Variants in FBXL17 observed in about 807,000 individuals in gnomAD.
FBXL17 encodes the protein F-box and leucine rich repeat protein 17, also known as F-box/LRR-repeat protein 17.
FBXL17 carries 22 observed loss-of-function variants against 66.2 expected under a neutral mutation model. That is an observed-to-expected ratio of 0.33 (90% CI 0.24 to 0.47). The LOEUF is 0.47. FBXL17 is among the 20% of genes least tolerant of loss of function. The pLI is 1.00. For synonymous variants in FBXL17, 474 were observed against 400.5 expected (o/e 1.18, Z -2.19); for missense variants, 878 against 948.2 (o/e 0.93, Z 0.97).
intron 4 of FBXL17, among the ~76,000 whole-genome samples, chr5:108,335,778 A>G (rs1760351069): frequency 6.6e-6 from 1 of 152,196 alleles, no homozygotes; most frequent in South Asian, 2.1e-4. Flanking sequence ...AAACATGATA[A>G]CATAAAGTAT....
At chr5:108,120,962 C>T (rs187229407) in intron 6 of FBXL17, among the ~76,000 whole-genome samples, 1 of 152,254 alleles carries the variant, frequency 6.6e-6, no homozygotes, top group Non-Finnish European at 1.5e-5. Flanking sequence ...TTTAAAAGCT[C>T]AGAAGAATAC....
intron 7 of FBXL17, 38 bp from the exon 8 acceptor site, chr5:107,881,217 A>T (rs372538056): frequency 8.8e-6 from 11 of 1,243,358 alleles, no homozygotes; most frequent in Non-Finnish European, 1.2e-5. Context: ...TAATGTTAGC[A>T]GTGTAAGGGA....
intron 4 of FBXL17, among the ~76,000 whole-genome samples, chr5:108,262,208 C>T (rs909474912): frequency 6.6e-6 from 1 of 151,768 alleles, no homozygotes; most frequent in African/African-American, 2.4e-5. Context: ...TCCCAAATAG[C>T]TAGGACTACA....
chr5:107,933,077 TA>T (rs1474028042), intron 7 of FBXL17, among the ~76,000 whole-genome samples: 2 of 152,266 alleles, frequency 1.3e-5, no homozygotes, highest in East Asian at 3.9e-4. Flanking sequence ...CATGTCACTT[TA>T]AAAAAGTTCC....
chr5:108,177,461 T>C (rs1337952491), intron 6 of FBXL17, among the ~76,000 whole-genome samples: 3 of 152,172 alleles, frequency 2.0e-5, no homozygotes, highest in African/African-American at 7.2e-5. Context: ...TGATCAACCA[T>C]GTCTGATGTC....
At chr5:108,237,986 C>G (rs1340326085) in intron 4 of FBXL17, among the ~76,000 whole-genome samples, 1 of 152,216 alleles carries the variant, frequency 6.6e-6, no homozygotes, top group African/African-American at 2.4e-5. Flanking sequence ...TTACTCAACT[C>G]TTCAAAATCC....
intron 7 of FBXL17, among the ~76,000 whole-genome samples, chr5:107,969,314 C>T (rs1041890991): frequency 1.3e-5 from 2 of 152,054 alleles, no homozygotes; most frequent in African/African-American, 2.4e-5. Flanking sequence ...ATGATTAGTA[C>T]ACTTTAGTAT....
At chr5:107,899,867 G>A (rs564908990) in intron 7 of FBXL17, among the ~76,000 whole-genome samples, 88 of 152,128 alleles carry the variant, frequency 5.8e-4, no homozygotes, top group African/African-American at 2.1e-3. Flanking sequence ...CACTATTCAG[G>A]TGATGGGTAC....
chr5:108,075,040 C>T (rs552811834), intron 6 of FBXL17, among the ~76,000 whole-genome samples: 16 of 152,272 alleles, frequency 1.1e-4, no homozygotes, highest in African/African-American at 3.6e-4. Context: ...CCCAGGATTC[C>T]GTGTAAAAGT....
intron 6 of FBXL17, among the ~76,000 whole-genome samples, chr5:108,177,932 T>TATATATATATATATATATATAC (rs1242739302): frequency 7.9e-6 from 1 of 126,830 alleles, no homozygotes; most frequent in African/African-American, 2.7e-5. Context: ...TATATATATA[T>TATATATATATATATATATATAC]ACACACACAC....
At chr5:108,201,148 A>T (rs780362079) in intron 5 of FBXL17, among the ~76,000 whole-genome samples, 6 of 152,180 alleles carry the variant, frequency 3.9e-5, no homozygotes, top group Non-Finnish European at 8.8e-5. Flanking sequence ...TAAAGACACA[A>T]CATAATTTAT....
chr5:108,114,976 A>T (rs902599402), intron 6 of FBXL17, among the ~76,000 whole-genome samples: 5 of 152,218 alleles, frequency 3.3e-5, no homozygotes, highest in African/African-American at 1.2e-4. Context: ...CAAAAAATGT[A>T]GTGATTTCAA....
rs544220580 is a variant in FBXL17, at chr5:108,327,670, T to G, written c.1506+20729A>C. On this transcript the variant is annotated intron_variant, in intron 4 of 8. Coordinates refer to ENST00000542267, the MANE Select transcript of FBXL17 (RefSeq NM_001163315.3). ...GATTAAATATGACTCTTCCAGAAAT[T>G]CCCAAGATGAAAGGCTAACTGAACC... Among the ~76,000 whole-genome samples, 166 of 152,222 alleles carry G rather than the reference T, an allele frequency of 1.1e-3. 3 individuals are homozygous for G. The highest frequency in any genetic ancestry group is 3.8e-3 in the African/African-American group (157 of 41,554).
chr5:107,991,398 T>C (rs10080074), intron 7 of FBXL17, among the ~76,000 whole-genome samples: 2,605 of 152,200 alleles, frequency 0.017, 74 homozygotes, highest in African/African-American at 0.06. Flanking sequence ...GGGGGTGGGG[T>C]TGAGGTGGGA....
intron 6 of FBXL17, among the ~76,000 whole-genome samples, chr5:108,085,253 C>T (rs1331035253): frequency 1.3e-5 from 2 of 152,202 alleles, no homozygotes; most frequent in Non-Finnish European, 2.9e-5. Flanking sequence ...TTTTTAGTAA[C>T]TAAGTTTTTG....
chr5:108,167,881 GA>G (rs1450799983), intron 6 of FBXL17, among the ~76,000 whole-genome samples: 1 of 152,132 alleles, frequency 6.6e-6, no homozygotes, highest in African/African-American at 2.4e-5. Flanking sequence ...CTTAAAGGGG[GA>G]AAAAATTATC....
intron 4 of FBXL17, among the ~76,000 whole-genome samples, chr5:108,291,269 CA>C (rs898933259): frequency 2.0e-5 from 3 of 152,068 alleles, no homozygotes; most frequent in Non-Finnish European, 4.4e-5. Flanking sequence ...ATACATGCAA[CA>C]AAAAAACTAC....
chr5:108,243,146 T>C (rs190494110), intron 4 of FBXL17, among the ~76,000 whole-genome samples: 74 of 152,310 alleles, frequency 4.9e-4, no homozygotes, highest in Non-Finnish European at 6.2e-4. Context: ...ATTGATAAGT[T>C]ATGTGTTAAA....
intron 6 of FBXL17, among the ~76,000 whole-genome samples, chr5:108,102,277 T>C (rs1304401637): frequency 2.0e-5 from 3 of 152,210 alleles, no homozygotes; most frequent in African/African-American, 7.2e-5. Context: ...CAGTTCCGTA[T>C]CTGTTTTCAG....
Sources: allele counts gnomAD v4.1 joint callset (sites outside exome capture counted in the v4.1 genomes callset), GRCh38; gene constraint gnomAD v4.1.1; transcripts MANE v1.5; gene names NCBI Gene and HGNC (gene_info 2026-07-23, HGNC 2026-07-21).